GLIS3: variants seen among roughly 807,000 people sequenced by gnomAD.
GLIS3 encodes the protein GLIS family zinc finger 3.
Under a neutral mutation model 78.6 loss-of-function variants are expected in GLIS3, and 53 were observed. The ratio of observed to expected loss-of-function variants is 0.67; its 90% CI spans 0.54 to 0.85. The LOEUF (loss-of-function observed/expected upper bound fraction) is 0.85, where lower values mean the gene tolerates loss of function less well. Among genes scored for constraint, GLIS3 ranks in the 40% least tolerant of loss-of-function variants. GLIS3 has a pLI of 0.00. For synonymous variants in GLIS3, 684 were observed against 509.9 expected, an observed-to-expected ratio of 1.34 and a Z score of -4.60; for missense variants, 1,703 against 1,231.1, an observed-to-expected ratio of 1.38 and a Z score of -5.74.
At chr9:4,417,263 G>C in the GLIS3 span, among the ~76,000 whole-genome samples, 1 of 152,130 alleles carries the variant, frequency 6.6e-6, no homozygotes, top group Admixed American at 6.5e-5. Flanking sequence ...ACATGCTGTG[G>C]TGACTGAATT....
chr9:4,211,538 A>C (rs1563763091), intron 2 of GLIS3, among the ~76,000 whole-genome samples: 1 of 152,276 alleles, frequency 6.6e-6, no homozygotes, highest in Admixed American at 6.5e-5. Context: ...GGTTAAAGTT[A>C]GCCCTGAAGG....
intron 6 of GLIS3, among the ~76,000 whole-genome samples, chr9:3,904,310 G>A (rs982123084): frequency 2.0e-5 from 3 of 152,144 alleles, no homozygotes; most frequent in African/African-American, 7.2e-5. Context: ...AAAGCCTGAA[G>A]AGCAAAAGAA....
chr9:4,354,938 A>G, the GLIS3 span, among the ~76,000 whole-genome samples: 1 of 152,074 alleles, frequency 6.6e-6, no homozygotes, highest in Non-Finnish European at 1.5e-5. Flanking sequence ...AACACGGCGA[A>G]ACCCCATCTC....
At chr9:4,134,464 T>A (rs1426846196) in intron 2 of GLIS3, among the ~76,000 whole-genome samples, 1 of 152,164 alleles carries the variant, frequency 6.6e-6, no homozygotes, top group Non-Finnish European at 1.5e-5. Context: ...GAATGTAACT[T>A]TGGTCATTTA....
intron 4 of GLIS3, among the ~76,000 whole-genome samples, chr9:4,026,086 T>C (rs1329900218): frequency 2.0e-5 from 3 of 152,214 alleles, no homozygotes; most frequent in African/African-American, 7.2e-5. Context: ...TAATTATAAA[T>C]AGTAAAAAAC....
intron 2 of GLIS3, among the ~76,000 whole-genome samples, chr9:4,159,787 A>G (rs886667465): frequency 6.6e-6 from 1 of 152,180 alleles, no homozygotes; most frequent in Non-Finnish European, 1.5e-5. Context: ...GTTGGCCCAC[A>G]TAGTTCCACA....
intron 4 of GLIS3, among the ~76,000 whole-genome samples, chr9:4,094,771 T>G (rs917804947): frequency 7.9e-5 from 12 of 152,344 alleles, no homozygotes; most frequent in Admixed American, 2.0e-4. Context: ...TGATCTTAGA[T>G]CCGATGGCTT....
At chr9:4,195,179 C>A (rs959718647) in intron 2 of GLIS3, among the ~76,000 whole-genome samples, 1 of 152,250 alleles carries the variant, frequency 6.6e-6, no homozygotes, top group East Asian at 1.9e-4. Flanking sequence ...CCTCCTCGGC[C>A]TCGGCGTCTG....
At position 4,294,128 on chromosome 9, in the gene GLIS3, T is replaced by G. The variant is rs78862297; in HGVS notation, c.-99+5293A>C. Reference sequence around the variant, plus strand: ...CTAAGCCCACCCCAAACACCCACTTTAGGCCCTCCTTGATCCTTTTTTAGT... The same window carrying G: ...CTAAGCCCACCCCAAACACCCACTTGAGGCCCTCCTTGATCCTTTTTTAGT... On this transcript the variant is annotated intron_variant, in intron 1 of 10. Coordinates refer to ENST00000381971, the MANE Select transcript of GLIS3 (RefSeq NM_001042413.2). 5.2e-3 allele frequency among the ~76,000 whole-genome samples: 796 copies of G among 152,320 alleles called. 9 individuals carry two copies. Among genetic ancestry groups the G allele is most frequent in the African/African-American group, 0.018 (741 of 41,580 alleles).
At chr9:4,122,484 C>G (rs1258404332) in intron 3 of GLIS3, among the ~76,000 whole-genome samples, 2 of 152,118 alleles carry the variant, frequency 1.3e-5, no homozygotes, top group African/African-American at 2.4e-5. Context: ...TCAAAGGAAA[C>G]CATCACCAAG....
At chr9:4,052,165 G>C (rs1342258182) in intron 4 of GLIS3, among the ~76,000 whole-genome samples, 1 of 152,192 alleles carries the variant, frequency 6.6e-6, no homozygotes, top group East Asian at 1.9e-4. Flanking sequence ...TTCAGAGGGA[G>C]TGGCCTAAAT....
intron 9 of GLIS3, among the ~76,000 whole-genome samples, chr9:3,841,991 T>C (rs969735848): frequency 6.6e-6 from 1 of 152,186 alleles, no homozygotes; most frequent in Non-Finnish European, 1.5e-5. Flanking sequence ...AAGGGAAGCA[T>C]GGTAAAGAAT....
At chr9:3,994,511 A>G (rs1411111897) in intron 4 of GLIS3, among the ~76,000 whole-genome samples, 1 of 152,226 alleles carries the variant, frequency 6.6e-6, no homozygotes, top group African/African-American at 2.4e-5. Flanking sequence ...TTAAAACACC[A>G]CAAAGAGTAA....
At chr9:4,115,777 C>T (rs548030187) in intron 4 of GLIS3, among the ~76,000 whole-genome samples, 1 of 152,128 alleles carries the variant, frequency 6.6e-6, no homozygotes, top group Non-Finnish European at 1.5e-5. Flanking sequence ...TCCTAAGAAA[C>T]CCTGTTTATT....
chr9:3,853,496 T>G lies in GLIS3; in HGVS notation c.2473+2513A>C, dbSNP rs1248398809. On this transcript the variant is annotated intron_variant, in intron 9 of 10. Transcript: ENST00000381971. ...ACATTATCCCTATTCTCAAAGAGTCTAATTTTTTAAAAAAGAAGGGAATAG... is the reference window on the plus strand; with the variant it reads ...ACATTATCCCTATTCTCAAAGAGTCGAATTTTTTAAAAAAGAAGGGAATAG... 2.6e-5 allele frequency among the ~76,000 whole-genome samples: 4 copies of G among 152,188 alleles called. No homozygotes were observed. The East Asian group carries it at 7.7e-4, about 29-fold the overall frequency.
At chr9:3,846,486 C>T (rs566571715) in intron 9 of GLIS3, among the ~76,000 whole-genome samples, 17 of 152,268 alleles carry the variant, frequency 1.1e-4, no homozygotes, top group African/African-American at 3.8e-4. Flanking sequence ...TACTGTAGTC[C>T]AGGCATTCTC....
At chr9:4,482,356 T>C in the GLIS3 span, among the ~76,000 whole-genome samples, 2 of 152,246 alleles carry the variant, frequency 1.3e-5, no homozygotes, top group African/African-American at 2.4e-5. Context: ...GAAAGTTTAA[T>C]GAGTTACAGT....
At chr9:4,351,122 G>T (rs1441891787), upstream of GLIS3, among the ~76,000 whole-genome samples, 1 of 152,062 alleles carries the variant, frequency 6.6e-6, no homozygotes, top group East Asian at 1.9e-4. Context: ...GGCTGGTTGG[G>T]ATAGCCTCTC....
intron 2 of GLIS3, among the ~76,000 whole-genome samples, chr9:4,274,439 A>C (rs1190390335): frequency 1.3e-5 from 2 of 152,090 alleles, no homozygotes; most frequent in African/African-American, 4.8e-5. Context: ...AAAGGTGCCC[A>C]GAGCCTCACT....
Sources: allele counts gnomAD v4.1 joint callset (sites outside exome capture counted in the v4.1 genomes callset), GRCh38; gene constraint gnomAD v4.1.1; transcripts MANE v1.5; gene names NCBI Gene and HGNC (gene_info 2026-07-23, HGNC 2026-07-21).